DOCK4: variants seen among roughly 807,000 people sequenced by gnomAD.
DOCK4 encodes dedicator of cytokinesis protein 4.
A neutral mutation model predicts 268.1 loss-of-function variants in DOCK4; 97 were observed. The observed-to-expected ratio is 0.36, with a 90% CI of 0.31 to 0.43. DOCK4 has a LOEUF of 0.43. Among genes scored for constraint, DOCK4 ranks in the 20% least tolerant of loss-of-function variants. The pLI is 1.00. For synonymous variants in DOCK4, 954 were observed against 887.2 expected (o/e 1.08, Z -1.34); for missense variants, 2,145 against 2,455.7 (o/e 0.87, Z 2.67).
At chr7:111,822,522 A>T in intron 26 of DOCK4, 66 bp from the exon 27 acceptor site, 1 of 1,309,550 alleles carries the variant, frequency 7.6e-7, no homozygotes. Flanking sequence ...ATACGCACAT[A>T]CACAGGCAGT....
chr7:111,979,026 G>A (rs112682034), intron 7 of DOCK4, among the ~76,000 whole-genome samples: 2,750 of 152,240 alleles, frequency 0.018, 86 homozygotes, highest in African/African-American at 0.062. Context: ...CAATTTCATT[G>A]TAACAGAGCC....
intron 12 of DOCK4, among the ~76,000 whole-genome samples, chr7:111,924,960 T>C (rs140703771): frequency 6.8e-4 from 101 of 148,064 alleles, no homozygotes; most frequent in Non-Finnish European, 1.2e-3. Context: ...ACACAATTGG[T>C]GGAATTTCTA....
chr7:112,026,647 G>A (rs879941128), intron 1 of DOCK4, among the ~76,000 whole-genome samples: 1 of 152,282 alleles, frequency 6.6e-6, no homozygotes. Flanking sequence ...TCAAATTTCA[G>A]TGTCCACAAA....
At chr7:112,114,255 A>C (rs1011019919) in intron 1 of DOCK4, among the ~76,000 whole-genome samples, 3 of 152,204 alleles carry the variant, frequency 2.0e-5, no homozygotes, top group Non-Finnish European at 4.4e-5. Flanking sequence ...TTCACCTGTA[A>C]TACAGATCAT....
chr7:112,168,476 G>A (rs1184475616), intron 1 of DOCK4, among the ~76,000 whole-genome samples: 2 of 152,214 alleles, frequency 1.3e-5, no homozygotes, highest in Non-Finnish European at 1.5e-5. Context: ...GGATGCCAAA[G>A]TGGGAGGACT....
At chr7:112,136,529 A>G (rs557227890) in intron 1 of DOCK4, among the ~76,000 whole-genome samples, 57 of 152,264 alleles carry the variant, frequency 3.7e-4, no homozygotes, top group African/African-American at 1.3e-3. Context: ...TTGCTGGGGG[A>G]TGATGTGGCA....
At chr7:111,767,514 C>T (rs546230771) in intron 37 of DOCK4, among the ~76,000 whole-genome samples, 3 of 152,058 alleles carry the variant, frequency 2.0e-5, no homozygotes, top group South Asian at 4.2e-4. Flanking sequence ...CATGAGCCAC[C>T]GCGCCCGTCC....
intron 27 of DOCK4, among the ~76,000 whole-genome samples, chr7:111,812,636 CA>C (rs1181776504): frequency 3.3e-5 from 5 of 152,138 alleles, no homozygotes; most frequent in African/African-American, 1.2e-4. Context: ...AGCCCAAAGA[CA>C]AAATAGATAG....
At chr7:111,816,565 T>A (rs1801572050) in intron 27 of DOCK4, among the ~76,000 whole-genome samples, 1 of 152,188 alleles carries the variant, frequency 6.6e-6, no homozygotes, top group South Asian at 2.1e-4. Flanking sequence ...CTGATGCATG[T>A]GGTCATCCTT....
At chr7:111,814,299 C>T (rs1801379413) in intron 27 of DOCK4, among the ~76,000 whole-genome samples, 1 of 152,082 alleles carries the variant, frequency 6.6e-6, no homozygotes, top group South Asian at 2.1e-4. Context: ...ATCTCTGTGG[C>T]CTTACTATGG....
chr7:111,870,922 G>A (rs912605698), intron 20 of DOCK4, among the ~76,000 whole-genome samples: 2 of 152,152 alleles, frequency 1.3e-5, no homozygotes, highest in African/African-American at 4.8e-5. Flanking sequence ...TAGGCTGAGT[G>A]GGCCGATGTT....
intron 1 of DOCK4, among the ~76,000 whole-genome samples, chr7:112,072,391 G>C (rs1051427043): frequency 2.6e-5 from 4 of 152,156 alleles, no homozygotes; most frequent in African/African-American, 4.8e-5. Context: ...ATAACGCTAG[G>C]GTCAGATGTG....
intron 1 of DOCK4, among the ~76,000 whole-genome samples, chr7:112,061,937 A>T (rs1806447820): frequency 6.6e-6 from 1 of 152,218 alleles, no homozygotes; most frequent in African/African-American, 2.4e-5. Flanking sequence ...GACAAGCATT[A>T]TCTCACTTTT....
intron 11 of DOCK4, among the ~76,000 whole-genome samples, chr7:111,936,814 T>A (rs1794784556): frequency 6.6e-6 from 1 of 152,188 alleles, no homozygotes; most frequent in Non-Finnish European, 1.5e-5. Context: ...GCTCACATTT[T>A]TATTTATTTT....
intron 26 of DOCK4, among the ~76,000 whole-genome samples, chr7:111,824,506 C>T (rs1802248034): frequency 6.6e-6 from 1 of 151,962 alleles, no homozygotes; most frequent in African/African-American, 2.4e-5. Flanking sequence ...TATCTTCTCG[C>T]CTCAAAAGTT....
intron 8 of DOCK4, among the ~76,000 whole-genome samples, chr7:111,959,648 C>T (rs989004771): frequency 1.3e-5 from 2 of 152,170 alleles, no homozygotes; most frequent in Non-Finnish European, 2.9e-5. Flanking sequence ...ACAGTTCTTT[C>T]TGTAAGCTCT....
Position 111,953,132 on chromosome 7 carries a change from T to C in DOCK4, c.702-7334A>G, listed in dbSNP as rs142065626. 3.4e-3 allele frequency among the ~76,000 whole-genome samples: 519 copies of C among 150,592 alleles called. 6 individuals carry two copies. Among genetic ancestry groups the C allele is most frequent in the African/African-American group, 0.012 (497 of 40,834 alleles). ...ATCCCAAGTACTCAGGAGACACAGGTGGGAGGATCACTTGAGCCCAGGAGG... is the reference window on the plus strand; with the variant it reads ...ATCCCAAGTACTCAGGAGACACAGGCGGGAGGATCACTTGAGCCCAGGAGG... On this transcript the variant is annotated intron_variant, in intron 8 of 52. Transcript: ENST00000428084.
chr7:112,048,389 CAAAAAAAA>C lies in DOCK4; in HGVS notation c.38-44266_38-44259del, dbSNP rs59810546. On this transcript the variant is annotated intron_variant, in intron 1 of 52. Transcript: ENST00000428084. The stretch of plus-strand genomic sequence containing the variant: ...TAAAACCCCATCTCTACTAAAAATA[CAAAAAAAA>C]AAAAAAAAAAAAAAAATTAACCAGG... Among the ~76,000 whole-genome samples the C allele has an allele frequency of 5.1e-4, 37 of 72,124 alleles. 1 individual carries two copies. Among genetic ancestry groups the C allele is most frequent in the African/African-American group, 1.1e-3 (28 of 26,654 alleles). 47.3% of individuals were successfully genotyped at this position (72,124 alleles called of 152,430 possible). A position where few individuals can be genotyped will look rare whatever the true frequency, so the allele number is the denominator to read the frequency against.
intron 1 of DOCK4, among the ~76,000 whole-genome samples, chr7:112,145,462 C>T (rs1815382145): frequency 2.0e-5 from 3 of 152,168 alleles, no homozygotes; most frequent in African/African-American, 7.2e-5. Context: ...GGGAAAAGGG[C>T]CGCGGGGCTC....
Sources: gnomAD v4.1 joint callset for allele counts (sites outside exome capture counted in the v4.1 genomes callset) on GRCh38, gnomAD v4.1.1 for gene constraint, MANE v1.5 for transcripts, NCBI Gene and HGNC (gene_info 2026-07-23, HGNC 2026-07-21) for gene names.